Variants in DCSTAMP observed in about 807,000 individuals in gnomAD.
DCSTAMP encodes dendrocyte expressed seven transmembrane protein, also known as dendritic cell-specific transmembrane protein.
In DCSTAMP, 25 loss-of-function variants were observed where a neutral mutation model predicts 33.8. The observed-to-expected ratio is 0.74, with a 90% CI of 0.54 to 1.03. The LOEUF is 1.03. DCSTAMP is among the 50% of genes least tolerant of loss of function. The pLI is 0.00. For missense variants in DCSTAMP, 531 were observed against 556.8 expected, an observed-to-expected ratio of 0.95 and a Z score of 0.47; for synonymous variants, 245 against 216.7, an observed-to-expected ratio of 1.13 and a Z score of -1.15.
At chr8:104,346,842 C>T (rs1444237163) in intron 1 of DCSTAMP, among the ~76,000 whole-genome samples, 3 of 152,246 alleles carry the variant, frequency 2.0e-5, no homozygotes, top group African/African-American at 7.2e-5. Context: ...AGAATAATTT[C>T]CTCACCTCTG....
intron 1 of DCSTAMP, among the ~76,000 whole-genome samples, chr8:104,340,971 A>G (rs1016512097): frequency 2.6e-5 from 4 of 152,200 alleles, no homozygotes; most frequent in African/African-American, 4.8e-5. Context: ...AGCATAAGCC[A>G]TTGGCTTCTG....
At position 104,348,717 on chromosome 8, in the gene DCSTAMP, G is replaced by T; in HGVS notation, c.165G>T (p.Leu55=). The T allele has an allele frequency of 1.2e-6, 2 of 1,614,128 alleles. No homozygotes were observed. The highest frequency in any genetic ancestry group is 8.5e-7 in the Non-Finnish European group (1 of 1,180,038). Residue 55 remains leucine, a synonymous_variant, in exon 2 of 4, where the codon CTG becomes CTT. Coordinates refer to ENST00000297581, the MANE Select transcript of DCSTAMP (RefSeq NM_030788.4). ...TGTCTGTGGCCGCCTGCTGGTTTCTGCCATCAATCATAGCGGCCGCTGCCT... is the reference window on the plus strand; with the variant it reads ...TGTCTGTGGCCGCCTGCTGGTTTCTTCCATCAATCATAGCGGCCGCTGCCT... ...GLLSVAACWF[L]PSIIAAAASW... is the part of the protein sequence containing the mutation.
intron 2 of DCSTAMP, among the ~76,000 whole-genome samples, chr8:104,349,889 T>C (rs953929766): frequency 6.6e-6 from 1 of 152,174 alleles, no homozygotes; most frequent in Non-Finnish European, 1.5e-5. Context: ...GAAGTGAGTG[T>C]CGCTGGCCTG....
At chr8:104,345,539 T>C (rs938594840) in intron 1 of DCSTAMP, among the ~76,000 whole-genome samples, 5 of 152,226 alleles carry the variant, frequency 3.3e-5, no homozygotes, top group Admixed American at 3.3e-4. Context: ...AGAAAACGTG[T>C]TCTTCTTACA....
chr8:104,355,998 C>T (rs945542930), intron 3 of DCSTAMP, 126 bp from the exon 4 acceptor site: 5 of 770,726 alleles, frequency 6.5e-6, no homozygotes, highest in Admixed American at 2.7e-5. Flanking sequence ...CAAAAATAAG[C>T]TTGTCTATTT....
chr8:104,349,149 G>A lies in DCSTAMP; in HGVS notation c.597G>A (p.Gln199=), dbSNP rs1231416634. Residue 199 remains glutamine, a synonymous_variant, in exon 2 of 4, where the codon CAG becomes CAA. Coordinates refer to ENST00000297581, the MANE Select transcript of DCSTAMP (RefSeq NM_030788.4). ...SKGEVLSVLY[Q]MATTTEVLSS... ...GGGAAGTCCTGAGCGTCTTGTACCA[G>A]ATGGCAACAACCACAGAGGTGTTGT... 2.5e-6 allele frequency: 4 copies of A among 1,614,214 alleles called. No homozygotes were observed. In the South Asian group the frequency reaches 4.4e-5, roughly 18 times the overall value.
rs187863162 is a variant in DCSTAMP at position 104,342,193 on chromosome 8, T to A, written c.-13+2331T>A. Among the ~76,000 whole-genome samples the A allele has an allele frequency of 1.8e-4, 27 of 152,268 alleles. 1 individual carries two copies. Among genetic ancestry groups the A allele is most frequent in the African/African-American group, 5.5e-4 (23 of 41,548 alleles). ...ACTTGGTTTAAGCATGGCTTTTAAA[T>A]GTCTCCAGGGATAAAAGGGGAAAAG... On this transcript the variant is annotated intron_variant, in intron 1 of 3. Transcript: ENST00000297581.
At chr8:104,348,234 G>A (rs551809508) in intron 1 of DCSTAMP, among the ~76,000 whole-genome samples, 2 of 152,234 alleles carry the variant, frequency 1.3e-5, no homozygotes, top group Non-Finnish European at 2.9e-5. Context: ...TAACACAGCA[G>A]GAGCAGGGTT....
chr8:104,342,435 TAA>T (rs1209093970), intron 1 of DCSTAMP, among the ~76,000 whole-genome samples: 1 of 152,174 alleles, frequency 6.6e-6, no homozygotes. Context: ...ACTTAAAAAA[TAA>T]AAGTCAGAAA....
At chr8:104,353,238 A>G (rs1009202968) in intron 2 of DCSTAMP, among the ~76,000 whole-genome samples, 1 of 152,208 alleles carries the variant, frequency 6.6e-6, no homozygotes, top group South Asian at 2.1e-4. Context: ...TTGTGCCAAC[A>G]AATTGTTTAC....
At chr8:104,351,788 GT>G (rs1554687368) in intron 2 of DCSTAMP, among the ~76,000 whole-genome samples, 1 of 151,848 alleles carries the variant, frequency 6.6e-6, no homozygotes, top group Admixed American at 6.6e-5. Context: ...ACAACTCGAG[GT>G]TTTTTTTCAT....
chr8:104,354,878 A>G lies in DCSTAMP; in HGVS notation c.1031A>G (p.Lys344Arg), dbSNP rs770063358. 1 of 1,575,490 alleles carries G rather than the reference A, an allele frequency of 6.3e-7. No individual in the cohort carries two copies. ...GATTATTTTATTCTTTCATTTTAGA[A>G]ACAAGGAACTCAAGATATTATCCAT... Reference protein sequence around the residue: ...FEVHLKLHGEKQGTQDIIHDS... With the variant: ...FEVHLKLHGERQGTQDIIHDS... The change falls in exon 3 of 4, where the codon AAA becomes AGA. Residue 344 changes from lysine (K) to arginine (R), a missense_variant and splice_region_variant. Physicochemically the swap from Lys to Arg is conservative, Grantham distance 26. Coordinates refer to ENST00000297581, the MANE Select transcript of DCSTAMP (RefSeq NM_030788.4).
chr8:104,344,258 A>G (rs1270962745), intron 1 of DCSTAMP, among the ~76,000 whole-genome samples: 1 of 152,158 alleles, frequency 6.6e-6, no homozygotes, highest in Admixed American at 6.5e-5. Flanking sequence ...TTTAAATTTT[A>G]TTTAATCTTA....
In DCSTAMP at chr8:104,349,151, T is replaced by C; in HGVS notation, c.599T>C (p.Met200Thr). 5 of 1,614,218 alleles carry C rather than the reference T, an allele frequency of 3.1e-6. No individual in the cohort carries two copies. Among genetic ancestry groups the C allele is most frequent in the Non-Finnish European group, 3.4e-6 (4 of 1,180,040 alleles). ...GAAGTCCTGAGCGTCTTGTACCAGATGGCAACAACCACAGAGGTGTTGTCC... is the reference window on the plus strand; with the variant it reads ...GAAGTCCTGAGCGTCTTGTACCAGACGGCAACAACCACAGAGGTGTTGTCC... ...KGEVLSVLYQ[M>T]ATTTEVLSSL... Residue 200 changes from methionine (M) to threonine (T), a missense_variant, in exon 2 of 4, where the codon ATG becomes ACG. Met to Thr is a moderately conservative substitution (Grantham distance 81, BLOSUM62 -1). Transcript: ENST00000297581.
At position 104,349,618 on chromosome 8, in the gene DCSTAMP, C is replaced by T. The variant is rs140041082; in HGVS notation, c.1029+37C>T. ...AGGTACTTCTCATGGTTTATCCCGG[C>T]TATTTGCTGGTCTGTCTTGCAAAAG... On this transcript the variant is annotated intron_variant, in intron 2 of 3. Transcript: ENST00000297581. 7.7e-6 allele frequency: 12 copies of T among 1,568,584 alleles called. No individual in the cohort carries two copies. The African/African-American group carries it at 1.6e-4, about 21-fold the overall frequency.
At chr8:104,349,633 T>C in intron 2 of DCSTAMP, 52 bp downstream of exon 2, 1 of 1,549,106 alleles carries the variant, frequency 6.5e-7, no homozygotes, top group Non-Finnish European at 8.7e-7. Flanking sequence ...TGCTGGTCTG[T>C]CTTGCAAAAG....
At chr8:104,350,814 C>A (rs1704316058) in intron 2 of DCSTAMP, among the ~76,000 whole-genome samples, 1 of 152,204 alleles carries the variant, frequency 6.6e-6, no homozygotes, top group Admixed American at 6.5e-5. Context: ...TGCATCACTG[C>A]AGAGTTGAAC....
intron 1 of DCSTAMP, among the ~76,000 whole-genome samples, chr8:104,345,824 T>C (rs1394754065): frequency 6.6e-6 from 1 of 152,206 alleles, no homozygotes; most frequent in Non-Finnish European, 1.5e-5. Flanking sequence ...AAGAATCTGC[T>C]AGTTTGAGAG....
chr8:104,351,007 G>T (rs112938285), intron 2 of DCSTAMP, among the ~76,000 whole-genome samples: 1 of 152,158 alleles, frequency 6.6e-6, no homozygotes, highest in African/African-American at 2.4e-5. Context: ...CCATCAGATG[G>T]ATCTGTGACA....
Sources: gnomAD v4.1 joint callset for allele counts (sites outside exome capture counted in the v4.1 genomes callset) on GRCh38, gnomAD v4.1.1 for gene constraint, MANE v1.5 for transcripts, NCBI Gene and HGNC (gene_info 2026-07-23, HGNC 2026-07-21) for gene names.